LRP1B: variants seen among roughly 807,000 people sequenced by gnomAD.
LRP1B encodes the protein LDL receptor related protein 1B, also known as low-density lipoprotein receptor-related protein 1B.
Under a neutral mutation model 556.6 loss-of-function variants are expected in LRP1B, and 217 were observed. The ratio of observed to expected loss-of-function variants is 0.39; its 90% CI spans 0.35 to 0.44. The LOEUF (loss-of-function observed/expected upper bound fraction) is 0.44, where lower values mean the gene tolerates loss of function less well. Ranked by LOEUF, LRP1B falls within the 20% of genes least tolerant of loss-of-function variation. The probability of loss-of-function intolerance (pLI) is 1.00; values close to 1 mark genes in which losing one functional copy is unlikely to be tolerated. For synonymous variants in LRP1B, 2,047 were observed against 1,865.8 expected (o/e 1.10, Z -2.50); for missense variants, 5,053 against 5,620.8 (o/e 0.90, Z 3.23).
At position 140,324,018 on chromosome 2, in the gene LRP1B, C is replaced by G. The variant is rs2105059469; in HGVS notation, c.12389G>C (p.Gly4130Ala). The G allele has an allele frequency of 6.2e-7, 1 of 1,610,340 alleles. No homozygotes were observed. Among genetic ancestry groups the G allele is most frequent in the Non-Finnish European group, 8.5e-7 (1 of 1,177,244 alleles). ...RIDIFEDYIY[G>A]AGPKNGVFRV... ...AAATACACCATTTTTAGGTCCTGCT[C>G]CATATATATAATCTTCAAAGATATC... The change falls in exon 81 of 91, where the codon GGA becomes GCA. Residue 4130 changes from glycine (G) to alanine (A), a missense_variant. Physicochemically the swap from Gly to Ala is moderately conservative, Grantham distance 60. Transcript: ENST00000389484.
intron 60 of LRP1B, among the ~76,000 whole-genome samples, chr2:140,466,968 A>G (rs897791603): frequency 7.2e-5 from 11 of 152,356 alleles, no homozygotes; most frequent in Middle Eastern, 6.8e-3. Flanking sequence ...GTGGTCAAAA[A>G]TAAACTTCAG....
intron 2 of LRP1B, among the ~76,000 whole-genome samples, chr2:141,487,680 C>T (rs555626621): frequency 2.0e-5 from 3 of 152,218 alleles, no homozygotes; most frequent in East Asian, 3.9e-4. Flanking sequence ...TATTCCCACT[C>T]CTGGATCTTT....
chr2:141,187,736 A>G (rs1235821031), intron 7 of LRP1B, among the ~76,000 whole-genome samples: 1 of 151,994 alleles, frequency 6.6e-6, no homozygotes. Context: ...TTTTATGACT[A>G]TATTTTTATA....
At chr2:140,950,098 G>T in intron 20 of LRP1B, 137 bp downstream of exon 20, 1 of 548,588 alleles carries the variant, frequency 1.8e-6, no homozygotes, top group Non-Finnish European at 3.0e-6. Flanking sequence ...GATAGCAAAT[G>T]ATTTTACACA....
chr2:140,492,069 C>G (rs1688724512), intron 57 of LRP1B, among the ~76,000 whole-genome samples: 1 of 152,134 alleles, frequency 6.6e-6, no homozygotes, highest in South Asian at 2.1e-4. Flanking sequence ...AGCCAGAAAT[C>G]TGGATTTTCA....
intron 41 of LRP1B, among the ~76,000 whole-genome samples, chr2:140,656,157 A>G (rs746110678): frequency 2.6e-5 from 4 of 152,160 alleles, no homozygotes; most frequent in Non-Finnish European, 5.9e-5. Context: ...GTGATTTCAT[A>G]ATTATCCTCA....
intron 66 of LRP1B, among the ~76,000 whole-genome samples, chr2:140,438,749 C>A (rs1215175982): frequency 6.6e-6 from 1 of 152,110 alleles, no homozygotes; most frequent in African/African-American, 2.4e-5. Context: ...TGTACAAAAG[C>A]AGCAAATGAG....
chr2:140,326,688 A>AC (rs934780427), intron 79 of LRP1B, among the ~76,000 whole-genome samples: 2 of 148,464 alleles, frequency 1.3e-5, no homozygotes, highest in South Asian at 2.1e-4. Flanking sequence ...ACAGAGTGAG[A>AC]CCCCCTGCCT....
At chr2:140,288,502 T>C (rs1284163500) in intron 84 of LRP1B, among the ~76,000 whole-genome samples, 3 of 151,904 alleles carry the variant, frequency 2.0e-5, no homozygotes, top group African/African-American at 7.2e-5. Flanking sequence ...ATTTGAACTT[T>C]TAAAAGTGAT....
intron 3 of LRP1B, among the ~76,000 whole-genome samples, chr2:141,256,689 T>C (rs1684477873): frequency 6.6e-6 from 1 of 152,000 alleles, no homozygotes; most frequent in African/African-American, 2.4e-5. Flanking sequence ...ATAAAATGAA[T>C]TAAGTACAAC....
intron 3 of LRP1B, among the ~76,000 whole-genome samples, chr2:141,413,697 C>T (rs965499516): frequency 1.3e-5 from 2 of 151,080 alleles, no homozygotes; most frequent in African/African-American, 4.9e-5. Context: ...AAACTCCCAG[C>T]TGGGTTTTTG....
intron 41 of LRP1B, among the ~76,000 whole-genome samples, chr2:140,689,783 T>C (rs1038137595): frequency 6.6e-6 from 1 of 152,136 alleles, no homozygotes; most frequent in African/African-American, 2.4e-5. Flanking sequence ...ACCACAGGTT[T>C]CTAGTAAAGT....
chr2:141,218,523 A>T (rs2105269834), intron 6 of LRP1B, among the ~76,000 whole-genome samples: 1 of 152,320 alleles, frequency 6.6e-6, no homozygotes, highest in East Asian at 1.9e-4. Flanking sequence ...TAAGTGAGTT[A>T]CTTCAGAAAC....
intron 22 of LRP1B, 150 bp from the exon 23 acceptor site, chr2:140,903,315 G>A: frequency 2.5e-6 from 2 of 811,284 alleles, no homozygotes; most frequent in South Asian, 1.9e-5. Flanking sequence ...TTTGCTTCAG[G>A]GGTTGGTATA....
At chr2:141,698,679 C>T (rs942308264) in intron 2 of LRP1B, among the ~76,000 whole-genome samples, 3 of 151,134 alleles carry the variant, frequency 2.0e-5, no homozygotes, top group Non-Finnish European at 3.0e-5. Flanking sequence ...GTAGCATATT[C>T]CAAATAGAAA....
intron 43 of LRP1B, among the ~76,000 whole-genome samples, chr2:140,598,027 T>C (rs1350531703): frequency 6.6e-6 from 1 of 152,122 alleles, no homozygotes; most frequent in Non-Finnish European, 1.5e-5. Flanking sequence ...AGGCAGCTAC[T>C]CCTCACAGGA....
intron 41 of LRP1B, among the ~76,000 whole-genome samples, chr2:140,643,845 G>A (rs1385570899): frequency 6.6e-6 from 1 of 152,128 alleles, no homozygotes; most frequent in African/African-American, 2.4e-5. Flanking sequence ...CTCCAATCTA[G>A]TAACCTTGAG....
At chr2:140,299,122 A>G (rs1196127483) in intron 83 of LRP1B, among the ~76,000 whole-genome samples, 1 of 152,124 alleles carries the variant, frequency 6.6e-6, no homozygotes, top group East Asian at 1.9e-4. Flanking sequence ...AACTGATTAG[A>G]GAAATGCATG....
chr2:141,536,737 G>A (rs891149345), intron 2 of LRP1B, among the ~76,000 whole-genome samples: 1 of 151,946 alleles, frequency 6.6e-6, no homozygotes, highest in Non-Finnish European at 1.5e-5. Context: ...TAACAAAATT[G>A]ATTGTTGATT....
Sources: allele counts gnomAD v4.1 joint callset (sites outside exome capture counted in the v4.1 genomes callset), GRCh38; gene constraint gnomAD v4.1.1; transcripts MANE v1.5; gene names NCBI Gene and HGNC (gene_info 2026-07-23, HGNC 2026-07-21).